The following TRAPPC9 variants were observed in gnomAD, a reference collection of about 807,000 sequenced individuals.
TRAPPC9 encodes the protein trafficking protein particle complex subunit 9, also known as IKK2 binding protein.
A neutral mutation model predicts 124.0 loss-of-function variants in TRAPPC9; 83 were observed. The observed-to-expected ratio is 0.67, with a 90% CI of 0.56 to 0.80. The LOEUF is 0.80. Among genes scored for constraint, TRAPPC9 ranks in the 30% least tolerant of loss-of-function variants. The pLI is 0.00. For missense variants in TRAPPC9, 1,302 were observed against 1,508.3 expected (o/e 0.86, Z 2.27); for synonymous variants, 638 against 617.5 (o/e 1.03, Z -0.49).
At position 139,949,756 on chromosome 8, in the gene TRAPPC9, G is replaced by T. The variant is rs113985991; in HGVS notation, c.2810+38970C>A. On this transcript the variant is annotated intron_variant, in intron 19 of 22. Transcript: ENST00000438773. ...GGGCTGGGGGTGGGGGAAGTGGAAA[G>T]GGGGAGTGGTGGCCAATGGGTAGGA... Among the ~76,000 whole-genome samples the T allele has an allele frequency of 4.2e-3, 632 of 152,288 alleles. 2 individuals carry two copies. Among genetic ancestry groups the T allele is most frequent in the Middle Eastern group, 0.01 (3 of 294 alleles).
intron 12 of TRAPPC9, among the ~76,000 whole-genome samples, chr8:140,288,427 A>T (rs780092969): frequency 6.6e-6 from 1 of 152,216 alleles, no homozygotes; most frequent in Non-Finnish European, 1.5e-5. Context: ...GTATGTACTA[A>T]GCTTACTAGT....
chr8:140,408,996 C>T lies in TRAPPC9; in HGVS notation c.887-3298G>A, dbSNP rs193194629. On this transcript the variant is annotated intron_variant, in intron 5 of 22. Transcript: ENST00000438773. ...GCAATAAAAGACTAATATATTCAAC[C>T]ACATAAAAACTCAGCAAAATTACTA... Among the ~76,000 whole-genome samples, 328 of 152,112 alleles carry T rather than the reference C, an allele frequency of 2.2e-3. 2 individuals are homozygous for T. The highest frequency in any genetic ancestry group is 4.7e-4 in the Non-Finnish European group (32 of 68,004).
At chr8:140,022,261 C>A (rs953915150) in intron 18 of TRAPPC9, among the ~76,000 whole-genome samples, 1 of 152,156 alleles carries the variant, frequency 6.6e-6, no homozygotes, top group Non-Finnish European at 1.5e-5. Context: ...GAAGTCCAAT[C>A]CACAGGGCTT....
chr8:140,453,957 G>A (rs1248615955), intron 1 of TRAPPC9, among the ~76,000 whole-genome samples: 1 of 152,182 alleles, frequency 6.6e-6, no homozygotes, highest in Non-Finnish European at 1.5e-5. Context: ...GAGGAGGAGA[G>A]CGCGGCCCAC....
intron 19 of TRAPPC9, among the ~76,000 whole-genome samples, chr8:139,970,687 ACC>A (rs1836002814): frequency 6.6e-6 from 1 of 152,060 alleles, no homozygotes; most frequent in Admixed American, 6.5e-5. Context: ...TCCTCATGGG[ACC>A]CAGCAGAGGC....
Position 139,969,804 on chromosome 8 carries a change from T to A in TRAPPC9, c.2810+18922A>T, listed in dbSNP as rs1835944953. Among the ~76,000 whole-genome samples the A allele has an allele frequency of 2.0e-5, 3 of 152,350 alleles. No individual in the cohort carries two copies. In the South Asian group the frequency reaches 6.2e-4, roughly 32 times the overall value. ...TGTGTCTATCTTGGGGAGTTTCCAGTGGCTAATAGATCTGGAGTTAATGTA... is the reference window on the plus strand; with the variant it reads ...TGTGTCTATCTTGGGGAGTTTCCAGAGGCTAATAGATCTGGAGTTAATGTA... On this transcript the variant is annotated intron_variant, in intron 19 of 22. Coordinates refer to ENST00000438773, the MANE Select transcript of TRAPPC9 (RefSeq NM_001160372.4).
intron 17 of TRAPPC9, among the ~76,000 whole-genome samples, chr8:140,031,975 G>A (rs1249833114): frequency 6.6e-6 from 1 of 152,198 alleles, no homozygotes; most frequent in Non-Finnish European, 1.5e-5. Context: ...AGGCCAGACA[G>A]AACCTGGGAC....
At chr8:139,779,084 G>GA (rs112186496) in intron 21 of TRAPPC9, among the ~76,000 whole-genome samples, 13,824 of 152,076 alleles carry the variant, frequency 0.091, 796 homozygotes, top group Admixed American at 0.15. Flanking sequence ...CCAGTGACAA[G>GA]AATATCAAAA....
chr8:140,027,840 G>A (rs1031374934), intron 17 of TRAPPC9, among the ~76,000 whole-genome samples: 2 of 152,080 alleles, frequency 1.3e-5, no homozygotes, highest in African/African-American at 4.8e-5. Flanking sequence ...TGTGAAGGAG[G>A]AACAGTCAAA....
chr8:140,066,348 T>C (rs1330209695), intron 17 of TRAPPC9, among the ~76,000 whole-genome samples: 2 of 152,196 alleles, frequency 1.3e-5, no homozygotes, highest in African/African-American at 4.8e-5. Flanking sequence ...CCTGAGCCTA[T>C]GTGAAGGGAG....
chr8:140,229,263 T>C lies in TRAPPC9; in HGVS notation c.2432-7680A>G, dbSNP rs947378879. ...ATGTTTTCTTTTTCTTTTTTTTTTTTTTTTTTTTTTTTTTTTTTTGAGACA... is the reference window on the plus strand; with the variant it reads ...ATGTTTTCTTTTTCTTTTTTTTTTTCTTTTTTTTTTTTTTTTTTTGAGACA... On this transcript the variant is annotated intron_variant, in intron 16 of 22. Transcript: ENST00000438773. Among the ~76,000 whole-genome samples, 1,188 of 133,270 alleles carry C rather than the reference T, an allele frequency of 8.9e-3. 33 individuals carry two copies. The highest frequency in any genetic ancestry group is 0.011 in the African/African-American group (392 of 34,320). 87.4% of individuals were successfully genotyped at this position (133,270 alleles called of 152,430 possible). A position where few individuals can be genotyped will look rare whatever the true frequency, so the allele number is the denominator to read the frequency against.
At chr8:140,406,192 A>G (rs555274054) in intron 5 of TRAPPC9, among the ~76,000 whole-genome samples, 161 of 152,326 alleles carry the variant, frequency 1.1e-3, no homozygotes, top group African/African-American at 3.2e-3. Flanking sequence ...CAATAAGCAG[A>G]AGCATCTGAT....
At position 139,728,856 on chromosome 8, in the gene TRAPPC9, T is replaced by C. The variant is rs531423665; in HGVS notation, c.*2205A>G. On this transcript the variant is annotated 3_prime_UTR_variant, in exon 23 of 23. Transcript: ENST00000438773. ...CATCCAGCATTTTCTCTGGTAACTG[T>C]TGTGGGTATTTTTTGCAGTTTGGGA... Among the ~76,000 whole-genome samples the C allele has an allele frequency of 3.9e-4, 60 of 152,328 alleles. No homozygotes were observed. The highest frequency in any genetic ancestry group is 3.4e-3 in the Middle Eastern group (1 of 294).
rs533962672 is a variant in TRAPPC9, at chr8:140,289,622, T to C, written c.1854+1371A>G. Among the ~76,000 whole-genome samples, 6 of 152,234 alleles carry C rather than the reference T, an allele frequency of 3.9e-5. No homozygotes were observed. In the South Asian group the frequency reaches 1.2e-3, roughly 32 times the overall value. On this transcript the variant is annotated intron_variant, in intron 12 of 22. Transcript: ENST00000438773. ...TTATTTTGTTCCCTGCTCTTCCTCA[T>C]TTGTTATAATAAGCACATATTGTTT... is the stretch of plus-strand genomic sequence containing the variant.
chr8:139,756,185 G>A (rs79742616), intron 21 of TRAPPC9, among the ~76,000 whole-genome samples: 14 of 114,486 alleles, frequency 1.2e-4, no homozygotes, highest in Non-Finnish European at 1.9e-4. Context: ...CAGGTCGCAG[G>A]AGGAGCCAGG....
chr8:140,430,377 C>T (rs928550417), intron 4 of TRAPPC9, among the ~76,000 whole-genome samples: 4 of 152,148 alleles, frequency 2.6e-5, no homozygotes, highest in African/African-American at 7.2e-5. Flanking sequence ...TGACCTCTTG[C>T]CCACCCCCAT....
At chr8:140,188,798 C>T (rs1480070759) in intron 17 of TRAPPC9, among the ~76,000 whole-genome samples, 1 of 152,228 alleles carries the variant, frequency 6.6e-6, no homozygotes. Context: ...AGGAACCACA[C>T]ACAATTTGAC....
At chr8:140,453,044 T>C (rs1425851882) in intron 1 of TRAPPC9, among the ~76,000 whole-genome samples, 2 of 152,214 alleles carry the variant, frequency 1.3e-5, no homozygotes, top group African/African-American at 4.8e-5. Context: ...CTCAGTATTA[T>C]TTCTGACAAA....
At chr8:139,806,893 G>A (rs1485700426) in intron 21 of TRAPPC9, among the ~76,000 whole-genome samples, 16 of 152,246 alleles carry the variant, frequency 1.1e-4, no homozygotes, top group Admixed American at 1.0e-3. Flanking sequence ...AGAAGGGGCG[G>A]GGGTGTTAAG....
Sources: allele counts gnomAD v4.1 joint callset (sites outside exome capture counted in the v4.1 genomes callset), GRCh38; gene constraint gnomAD v4.1.1; transcripts MANE v1.5; gene names NCBI Gene and HGNC (gene_info 2026-07-23, HGNC 2026-07-21).